KDM4B: variants seen among roughly 807,000 people sequenced by gnomAD.
KDM4B encodes lysine-specific demethylase 4B.
Under a neutral mutation model 125.2 loss-of-function variants are expected in KDM4B, and 32 were observed. That is an observed-to-expected ratio of 0.26 (90% CI 0.19 to 0.34). The LOEUF is 0.34. Ranked by LOEUF, KDM4B falls within the 10% of genes least tolerant of loss-of-function variation. KDM4B has a pLI of 1.00. For synonymous variants in KDM4B, 721 were observed against 677.9 expected (o/e 1.06, Z -0.99); for missense variants, 1,190 against 1,577.7 (o/e 0.75, Z 4.16).
intron 9 of KDM4B, among the ~76,000 whole-genome samples, chr19:5,095,754 G>C (rs1471917566): frequency 4.6e-5 from 7 of 152,244 alleles, no homozygotes; most frequent in African/African-American, 1.7e-4. Flanking sequence ...CCTGCTAGGA[G>C]GAGGGAGAGG....
At chr19:5,039,306 T>G (rs1299592752) in intron 3 of KDM4B, among the ~76,000 whole-genome samples, 1 of 152,056 alleles carries the variant, frequency 6.6e-6, no homozygotes, top group African/African-American at 2.4e-5. Flanking sequence ...TTTAAAAAAA[T>G]TAGCTGGGCA....
In KDM4B at chr19:5,137,987, G is replaced by A. The variant is rs142068264; in HGVS notation, c.2467G>A (p.Ala823Thr). ...GTGGATCCACGTGATCTGTGCCATC[G>A]CAGTCCCCGAGGCGCGCTTCCTGAA... ...RRWIHVICAI[A>T]VPEARFLNVI... The change falls in exon 18 of 23, where the codon GCA becomes ACA. Residue 823 changes from alanine to threonine, a missense_variant. By Grantham distance (58) the Ala-to-Thr change is moderately conservative (BLOSUM62 0). This residue lies in a region of KDM4B where 298 missense variants were observed against 439.7 expected (regional missense o/e 0.68). Transcript: ENST00000159111. 35 of 1,612,322 alleles carry A rather than the reference G, an allele frequency of 2.2e-5. No homozygotes were observed. Among genetic ancestry groups the A allele is most frequent in the Non-Finnish European group, 2.7e-5 (32 of 1,179,842 alleles).
intron 1 of KDM4B, among the ~76,000 whole-genome samples, chr19:5,007,212 G>GC (rs1050930318): frequency 2.6e-4 from 39 of 152,336 alleles, no homozygotes; most frequent in African/African-American, 9.1e-4. Context: ...GCAGCTCTTG[G>GC]CCAGGCTCTG....
chr19:5,008,011 C>T (rs972204496), intron 1 of KDM4B, among the ~76,000 whole-genome samples: 7 of 152,168 alleles, frequency 4.6e-5, no homozygotes, highest in African/African-American at 7.2e-5. Context: ...TATACTAGCT[C>T]ACATCTATAT....
intron 18 of KDM4B, among the ~76,000 whole-genome samples, chr19:5,143,487 G>A (rs1256600719): frequency 2.0e-5 from 3 of 152,068 alleles, no homozygotes; most frequent in Non-Finnish European, 2.9e-5. Context: ...CCTACCCTGT[G>A]CCCACGAGCC....
At chr19:5,123,109 G>A (rs1171571564) in intron 11 of KDM4B, among the ~76,000 whole-genome samples, 3 of 152,222 alleles carry the variant, frequency 2.0e-5, no homozygotes, top group Non-Finnish European at 2.9e-5. Context: ...GGGAACCAGC[G>A]CCTCCTGTCA....
intron 2 of KDM4B, among the ~76,000 whole-genome samples, chr19:5,026,680 G>A (rs1357476997): frequency 6.6e-6 from 1 of 152,212 alleles, no homozygotes; most frequent in Non-Finnish European, 1.5e-5. Context: ...CCCTTGGGAT[G>A]GGTCAGGGTG....
At chr19:5,147,811 A>G (rs1237338705) in intron 21 of KDM4B, among the ~76,000 whole-genome samples, 1 of 151,626 alleles carries the variant, frequency 6.6e-6, no homozygotes, top group African/African-American at 2.4e-5. Context: ...CTGTGGAATC[A>G]GGAATGGGTG....
intron 1 of KDM4B, among the ~76,000 whole-genome samples, chr19:4,972,849 T>A (rs2034308355): frequency 6.6e-6 from 1 of 152,200 alleles, no homozygotes; most frequent in Non-Finnish European, 1.5e-5. Flanking sequence ...AGCTTCCACC[T>A]GAGAGGACAG....
Position 5,119,740 on chromosome 19 carries a change from A to G in KDM4B, c.1203A>G (p.Leu401=). The G allele has an allele frequency of 6.5e-7, 1 of 1,550,116 alleles. No homozygotes were observed. The highest frequency in any genetic ancestry group is 2.4e-5 in the East Asian group (1 of 40,936). Residue 401 remains leucine, a synonymous_variant, in exon 11 of 23, where the codon CTA becomes CTG. Transcript: ENST00000159111. ...AGGGTACGGCTGGGGCAGCGCTCCT[A>G]GAGGAGGCTGGGGGCAGCGTGAAGG... ...PGEGTAGAAL[L]EEAGGSVKEE...
At chr19:5,086,904 C>T (rs2038519693) in intron 9 of KDM4B, among the ~76,000 whole-genome samples, 1 of 152,258 alleles carries the variant, frequency 6.6e-6, no homozygotes, top group African/African-American at 2.4e-5. Context: ...CAGAGCTCTC[C>T]AAGGTTCCCC....
At chr19:5,047,769 C>G (rs1195302842) in intron 6 of KDM4B, 100 bp downstream of exon 6, 1 of 1,178,804 alleles carries the variant, frequency 8.5e-7, no homozygotes, top group African/African-American at 1.5e-5. Context: ...GGGGCCCCAC[C>G]AGGTGAGGCC....
chr19:5,147,123 C>G (rs1048352736), intron 21 of KDM4B, among the ~76,000 whole-genome samples: 2 of 151,914 alleles, frequency 1.3e-5, no homozygotes, highest in Non-Finnish European at 1.5e-5. Flanking sequence ...GCCAGGACCT[C>G]TAGAACACCA....
chr19:5,117,198 C>G (rs901643036), intron 10 of KDM4B, among the ~76,000 whole-genome samples: 1 of 152,128 alleles, frequency 6.6e-6, no homozygotes, highest in Admixed American at 6.5e-5. Context: ...GGTTGGGCAC[C>G]AGGACAGTTC....
chr19:5,010,982 C>T (rs1412722317), intron 1 of KDM4B, among the ~76,000 whole-genome samples: 1 of 152,162 alleles, frequency 6.6e-6, no homozygotes, highest in Non-Finnish European at 1.5e-5. Flanking sequence ...TCAGGAAAGC[C>T]ATCTGTGTGT....
chr19:5,061,662 C>T (rs550251305), intron 6 of KDM4B, among the ~76,000 whole-genome samples: 3 of 151,898 alleles, frequency 2.0e-5, no homozygotes, highest in South Asian at 2.1e-4. Flanking sequence ...CACTGGAGCT[C>T]GAGAACAGCC....
chr19:5,009,754 C>T (rs2035672338), intron 1 of KDM4B, among the ~76,000 whole-genome samples: 1 of 150,942 alleles, frequency 6.6e-6, no homozygotes, highest in East Asian at 1.9e-4. Flanking sequence ...TTTTTTGAGT[C>T]AGAGCCTTGC....
chr19:4,999,190 C>T (rs1445608639), intron 1 of KDM4B, among the ~76,000 whole-genome samples: 1 of 152,144 alleles, frequency 6.6e-6, no homozygotes, highest in Non-Finnish European at 1.5e-5. Context: ...GTCCCTTGTT[C>T]CTTTCTTATT....
At chr19:5,098,702 C>T (rs930318847) in intron 9 of KDM4B, among the ~76,000 whole-genome samples, 1 of 152,000 alleles carries the variant, frequency 6.6e-6, no homozygotes, top group Non-Finnish European at 1.5e-5. Flanking sequence ...AGGGTGATGC[C>T]CTCATTGATG....
Sources: allele counts gnomAD v4.1 joint callset (sites outside exome capture counted in the v4.1 genomes callset), GRCh38; gene constraint gnomAD v4.1.1; regional missense constraint gnomAD v4.1.1; transcripts MANE v1.5; gene names NCBI Gene and HGNC (gene_info 2026-07-23, HGNC 2026-07-21).